Variants in ATRNL1 observed in about 807,000 individuals in gnomAD.
ATRNL1 encodes the protein attractin like 1.
ATRNL1 carries 95 observed loss-of-function variants against 182.7 expected under a neutral mutation model. The observed-to-expected ratio is 0.52, with a 90% confidence interval of 0.44 to 0.62. ATRNL1 has a LOEUF of 0.62. Among genes scored for constraint, ATRNL1 ranks in the 20% least tolerant of loss-of-function variants. The pLI is 0.00. For missense variants in ATRNL1, 1,471 were observed against 1,679.5 expected (o/e 0.88, Z 2.17); for synonymous variants, 576 against 568.3 (o/e 1.01, Z -0.19).
At chr10:115,133,326 T>A (rs1233969550) in intron 5 of ATRNL1, among the ~76,000 whole-genome samples, 2 of 152,146 alleles carry the variant, frequency 1.3e-5, no homozygotes, top group African/African-American at 4.8e-5. Flanking sequence ...GCTGTTTTGG[T>A]TACTATAGCC....
At chr10:115,898,520 T>C (rs1487828383) in intron 28 of ATRNL1, among the ~76,000 whole-genome samples, 4 of 152,166 alleles carry the variant, frequency 2.6e-5, no homozygotes, top group African/African-American at 9.7e-5. Flanking sequence ...GCAGTGCTGC[T>C]GTATGAGCAG....
intron 25 of ATRNL1, among the ~76,000 whole-genome samples, chr10:115,538,674 T>C (rs1311467368): frequency 6.6e-6 from 1 of 152,232 alleles, no homozygotes; most frequent in Non-Finnish European, 1.5e-5. Context: ...ACAGTATCTT[T>C]TATGGAGTGA....
intron 27 of ATRNL1, among the ~76,000 whole-genome samples, chr10:115,817,887 T>C (rs1049662943): frequency 1.1e-4 from 16 of 151,722 alleles, no homozygotes; most frequent in Non-Finnish European, 2.2e-4. Flanking sequence ...GTTTTTTTTT[T>C]TTTTTTTCTG....
intron 15 of ATRNL1, among the ~76,000 whole-genome samples, chr10:115,290,009 A>G (rs1472176808): frequency 1.3e-5 from 2 of 149,008 alleles, no homozygotes; most frequent in African/African-American, 4.9e-5. Context: ...CTTCTGATCC[A>G]TTTGCATGGA....
At chr10:115,764,267 G>T (rs1555074403) in intron 27 of ATRNL1, among the ~76,000 whole-genome samples, 3 of 152,078 alleles carry the variant, frequency 2.0e-5, no homozygotes, top group Admixed American at 6.5e-5. Flanking sequence ...ATCCCCACCA[G>T]AGTGACACAG....
At chr10:115,163,997 T>C (rs1225240565) in intron 6 of ATRNL1, among the ~76,000 whole-genome samples, 4 of 152,166 alleles carry the variant, frequency 2.6e-5, no homozygotes, top group Non-Finnish European at 4.4e-5. Flanking sequence ...CTTGGGCACT[T>C]CCTTTCCTTT....
chr10:115,203,206 A>T (rs1256010462), intron 8 of ATRNL1, among the ~76,000 whole-genome samples: 1 of 152,162 alleles, frequency 6.6e-6, no homozygotes, highest in Admixed American at 6.6e-5. Flanking sequence ...TATTATGGCC[A>T]TCTACAAGTA....
chr10:115,271,114 C>T (rs577775803), intron 13 of ATRNL1, among the ~76,000 whole-genome samples: 119 of 150,830 alleles, frequency 7.9e-4, no homozygotes, highest in Non-Finnish European at 1.6e-3. Flanking sequence ...CTGATATGAG[C>T]ATCTTATGTT....
intron 24 of ATRNL1, among the ~76,000 whole-genome samples, chr10:115,507,890 A>G (rs1349325541): frequency 3.3e-5 from 5 of 151,982 alleles, no homozygotes; most frequent in African/African-American, 1.2e-4. Context: ...TTTGTGCCAA[A>G]CAGGGTTACA....
At chr10:115,332,976 T>A (rs1010386297) in intron 18 of ATRNL1, among the ~76,000 whole-genome samples, 1 of 152,218 alleles carries the variant, frequency 6.6e-6, no homozygotes, top group Non-Finnish European at 1.5e-5. Context: ...GAAGATTAAA[T>A]AATAAAATTC....
At chr10:115,332,340 T>C (rs1214404277) in intron 18 of ATRNL1, among the ~76,000 whole-genome samples, 2 of 152,194 alleles carry the variant, frequency 1.3e-5, no homozygotes, top group African/African-American at 4.8e-5. Flanking sequence ...AGGTTTTTTT[T>C]AGCCCTCGTG....
intron 26 of ATRNL1, among the ~76,000 whole-genome samples, chr10:115,671,004 T>C (rs1409157261): frequency 6.6e-6 from 1 of 152,154 alleles, no homozygotes; most frequent in African/African-American, 2.4e-5. Flanking sequence ...ATTAAATTGG[T>C]TTTGAATATA....
At chr10:115,539,979 A>G (rs911007045) in intron 25 of ATRNL1, among the ~76,000 whole-genome samples, 22 of 82,696 alleles carry the variant, frequency 2.7e-4, no homozygotes, top group African/African-American at 1.0e-3. Context: ...ATCAAATGTT[A>G]TGGGGTGGGG....
At chr10:115,835,092 A>T (rs1330398542) in intron 27 of ATRNL1, among the ~76,000 whole-genome samples, 1 of 152,140 alleles carries the variant, frequency 6.6e-6, no homozygotes, top group African/African-American at 2.4e-5. Flanking sequence ...GAAAAGACAT[A>T]TAAAGTTGCA....
chr10:115,933,138 T>C (rs1953455193), intron 28 of ATRNL1, among the ~76,000 whole-genome samples: 1 of 152,220 alleles, frequency 6.6e-6, no homozygotes, highest in South Asian at 2.1e-4. Flanking sequence ...GGACTTCCAA[T>C]TAGAAAAGTA....
intron 26 of ATRNL1, among the ~76,000 whole-genome samples, chr10:115,701,171 T>G (rs1424852014): frequency 6.6e-6 from 1 of 151,914 alleles, no homozygotes; most frequent in Non-Finnish European, 1.5e-5. Flanking sequence ...ACCACACAAT[T>G]ACATGGAAAT....
chr10:115,865,357 TATCTCA>T lies in ATRNL1; in HGVS notation c.4018+17368_4018+17373del, dbSNP rs1951416204. Among the ~76,000 whole-genome samples, 5 of 152,282 alleles carry T rather than the reference TATCTCA, an allele frequency of 3.3e-5. 1 individual carries two copies. The South Asian group carries it at 1.0e-3, about 32-fold the overall frequency. On this transcript the variant is annotated intron_variant, in intron 28 of 28. Transcript: ENST00000355044. ...TGCAGTGTTCCTGCATGTCTAAATTTATCTCAAAGTAAAAAGCTAATAGAAGTATTT... is the reference window on the plus strand; with the variant it reads ...TGCAGTGTTCCTGCATGTCTAAATTTAAGTAAAAAGCTAATAGAAGTATTT...
intron 26 of ATRNL1, among the ~76,000 whole-genome samples, chr10:115,705,066 G>A (rs1946855021): frequency 6.6e-6 from 1 of 151,782 alleles, no homozygotes; most frequent in African/African-American, 2.4e-5. Flanking sequence ...TTTGATTTAT[G>A]TGTACTGAAG....
chr10:115,589,691 C>G (rs1855788062), intron 26 of ATRNL1, among the ~76,000 whole-genome samples: 1 of 152,086 alleles, frequency 6.6e-6, no homozygotes, highest in Non-Finnish European at 1.5e-5. Flanking sequence ...AAAAATTTAG[C>G]AAATCTCATT....
Sources: gnomAD v4.1 joint callset for allele counts (sites outside exome capture counted in the v4.1 genomes callset) on GRCh38, gnomAD v4.1.1 for gene constraint, MANE v1.5 for transcripts, NCBI Gene and HGNC (gene_info 2026-07-23, HGNC 2026-07-21) for gene names.